GCSAML: variants seen among roughly 807,000 people sequenced by gnomAD.
GCSAML encodes the protein germinal center associated signaling and motility like.
In GCSAML, 9 loss-of-function variants were observed where a neutral mutation model predicts 13.0. The ratio of observed to expected loss-of-function variants is 0.69; its 90% CI spans 0.42 to 1.21. The LOEUF (loss-of-function observed/expected upper bound fraction) is 1.21, where lower values mean the gene tolerates loss of function less well. Among genes scored for constraint, GCSAML ranks in the 50% most tolerant of loss-of-function variants. GCSAML has a pLI of 0.00. For missense variants in GCSAML, 143 were observed against 153.4 expected (o/e 0.93, Z 0.36); for synonymous variants, 37 against 52.9 (o/e 0.70, Z 1.31).
chr1:247,557,785 G>A (rs1668004836), intron 2 of GCSAML, among the ~76,000 whole-genome samples: 1 of 152,198 alleles, frequency 6.6e-6, no homozygotes, highest in Non-Finnish European at 1.5e-5. Flanking sequence ...TAGCTGGAGA[G>A]GAGATAGCAA....
intron 4 of GCSAML, among the ~76,000 whole-genome samples, chr1:247,568,128 T>C (rs1668458222): frequency 6.6e-6 from 1 of 152,214 alleles, no homozygotes; most frequent in African/African-American, 2.4e-5. Flanking sequence ...GTAGATTGCC[T>C]GTTCACTCTG....
At chr1:247,562,257 T>G (rs1399206516) in intron 2 of GCSAML, among the ~76,000 whole-genome samples, 1 of 152,158 alleles carries the variant, frequency 6.6e-6, no homozygotes, top group Non-Finnish European at 1.5e-5. Flanking sequence ...GTCTGGCTCC[T>G]GGGCATGACT....
In GCSAML at chr1:247,574,767, A is replaced by T; in HGVS notation, c.*385A>T. ...CCTGAAAGACTGAATTCTGGCCATG[A>T]TAGGAAGGGAGGTGAGACACACCTT... On this transcript the variant is annotated 3_prime_UTR_variant, in exon 5 of 5. Coordinates refer to ENST00000366488, the MANE Select transcript of GCSAML (RefSeq NM_145278.5). 1 of 215,706 alleles carries T rather than the reference A, an allele frequency of 4.6e-6. No individual in the cohort carries two copies. The highest frequency in any genetic ancestry group is 9.3e-6 in the Non-Finnish European group (1 of 107,334). 13.4% of individuals were successfully genotyped at this position (215,706 alleles called of 1,614,324 possible). A position where few individuals can be genotyped will look rare whatever the true frequency, so the allele number is the denominator to read the frequency against.
At chr1:247,564,382 T>C (rs377028516) in intron 3 of GCSAML, among the ~76,000 whole-genome samples, 1 of 130,874 alleles carries the variant, frequency 7.6e-6, no homozygotes, top group African/African-American at 2.8e-5. Context: ...GAGCCTGTCT[T>C]AAAAAAAAAA....
Position 247,549,236 on chromosome 1 carries a change from T to C in GCSAML, c.29+16T>C, listed in dbSNP as rs1558251247. ...GAAAACTCAGGTGAGTCTTGACTCTTGGTGCCGCCTTTCTTGGGAGAAAGA... is the reference window on the plus strand; with the variant it reads ...GAAAACTCAGGTGAGTCTTGACTCTCGGTGCCGCCTTTCTTGGGAGAAAGA... On this transcript the variant is annotated intron_variant, in intron 1 of 4. Coordinates refer to ENST00000366488, the MANE Select transcript of GCSAML (RefSeq NM_145278.5). 1 of 1,608,654 alleles carries C rather than the reference T, an allele frequency of 6.2e-7. No individual in the cohort carries two copies. Among genetic ancestry groups the C allele is most frequent in the Non-Finnish European group, 8.5e-7 (1 of 1,175,164 alleles).
At chr1:247,571,541 G>C (rs1668612534) in intron 4 of GCSAML, among the ~76,000 whole-genome samples, 1 of 152,200 alleles carries the variant, frequency 6.6e-6, no homozygotes, top group South Asian at 2.1e-4. Context: ...ACTCTCTTCT[G>C]GCTTGTAGGG....
At chr1:247,520,792 T>C (rs1490216607) in intron 1 of GCSAML, among the ~76,000 whole-genome samples, 3 of 152,224 alleles carry the variant, frequency 2.0e-5, no homozygotes, top group Non-Finnish European at 4.4e-5. Flanking sequence ...CATTGGATTA[T>C]TAGAGGTTAA....
intron 4 of GCSAML, among the ~76,000 whole-genome samples, chr1:247,572,415 G>A (rs1016137037): frequency 5.9e-5 from 9 of 152,080 alleles, no homozygotes; most frequent in African/African-American, 1.4e-4. Context: ...TGATGTTGAC[G>A]CTATTGCTTT....
chr1:247,523,965 TTGAC>T lies in GCSAML; in HGVS notation c.-262-2971_-262-2968del, dbSNP rs1666549064. On this transcript the variant is annotated intron_variant, in intron 1 of 5. Coordinates refer to the GCSAML transcript ENST00000366489. ...AGCGAAATAAATTGTTTTGGGACAA[TTGAC>T]TGAACATTTGGAAAACAACATCTGT... Among the ~76,000 whole-genome samples, 7 of 150,106 alleles carry T rather than the reference TTGAC, an allele frequency of 4.7e-5. No homozygotes were observed. The South Asian group carries it at 1.5e-3, about 32-fold the overall frequency.
rs1305133141 is a variant in GCSAML, at chr1:247,576,752, A to G, written c.*2370A>G. On this transcript the variant is annotated 3_prime_UTR_variant, in exon 5 of 5. Coordinates refer to ENST00000366488, the MANE Select transcript of GCSAML (RefSeq NM_145278.5). ...TTAATGTGCGGAAGGGAAACAATAGAAATTTTGCAATTCTAGAAAAGTCAT... is the reference window on the plus strand; with the variant it reads ...TTAATGTGCGGAAGGGAAACAATAGGAATTTTGCAATTCTAGAAAAGTCAT... The G allele has an allele frequency of 1.3e-5, 2 of 152,198 alleles. No homozygotes were observed. The highest frequency in any genetic ancestry group is 4.8e-5 in the African/African-American group (2 of 41,444). The allele number at this position is 152,198 out of a possible 1,614,324, so 9.4% of individuals were successfully genotyped here.
chr1:247,573,630 A>T (rs987534386), intron 4 of GCSAML, among the ~76,000 whole-genome samples: 2 of 152,104 alleles, frequency 1.3e-5, no homozygotes, highest in African/African-American at 4.8e-5. Flanking sequence ...AGCTGTTCCT[A>T]TTCAGCTTTG....
intron 1 of GCSAML, among the ~76,000 whole-genome samples, chr1:247,523,008 C>A (rs1400350291): frequency 1.3e-5 from 2 of 151,412 alleles, no homozygotes; most frequent in Non-Finnish European, 2.9e-5. Flanking sequence ...TGCTAACACT[C>A]AGTCTAGTTT....
intron 4 of GCSAML, among the ~76,000 whole-genome samples, chr1:247,570,746 C>T (rs1668574248): frequency 6.6e-6 from 1 of 152,116 alleles, no homozygotes; most frequent in Admixed American, 6.5e-5. Flanking sequence ...GAGCTGAGTT[C>T]AAGTCCTGAA....
intron 1 of GCSAML, among the ~76,000 whole-genome samples, chr1:247,551,917 T>C (rs981934720): frequency 6.6e-6 from 1 of 152,210 alleles, no homozygotes; most frequent in Non-Finnish European, 1.5e-5. Flanking sequence ...TCCTTACTTA[T>C]GAGTATGGGG....
At chr1:247,508,339 C>T (rs1210302909) in intron 1 of GCSAML, among the ~76,000 whole-genome samples, 1 of 152,096 alleles carries the variant, frequency 6.6e-6, no homozygotes, top group Non-Finnish European at 1.5e-5. Context: ...TATTTATATC[C>T]TTTGCCTACT....
intron 2 of GCSAML, among the ~76,000 whole-genome samples, chr1:247,540,076 C>G (rs1260137573): frequency 2.6e-5 from 4 of 152,164 alleles, no homozygotes; most frequent in South Asian, 2.1e-4. Flanking sequence ...TAGTCTCTCT[C>G]TCTCTCTCTT....
At chr1:247,564,582 G>A (rs1197659269) in intron 3 of GCSAML, among the ~76,000 whole-genome samples, 1 of 152,050 alleles carries the variant, frequency 6.6e-6, no homozygotes, top group Non-Finnish European at 1.5e-5. Context: ...TATATTCAAG[G>A]TGTGCAATGT....
intron 2 of GCSAML, among the ~76,000 whole-genome samples, chr1:247,562,964 C>T (rs1339369796): frequency 2.0e-5 from 3 of 151,604 alleles, no homozygotes; most frequent in African/African-American, 4.8e-5. Flanking sequence ...CTCAGCCTCC[C>T]GAGTAGTTGG....
intron 1 of GCSAML, among the ~76,000 whole-genome samples, chr1:247,512,296 A>G (rs1558231638): frequency 6.6e-6 from 1 of 151,610 alleles, no homozygotes; most frequent in Non-Finnish European, 1.5e-5. Flanking sequence ...TGCTTGATCA[A>G]TTCGGCTACT....
Sources: gnomAD v4.1 joint callset for allele counts (sites outside exome capture counted in the v4.1 genomes callset) on GRCh38, gnomAD v4.1.1 for gene constraint, MANE v1.5 for transcripts, NCBI Gene and HGNC (gene_info 2026-07-23, HGNC 2026-07-21) for gene names.